Variants in CPNE8 observed in about 807,000 individuals in gnomAD.
CPNE8 encodes copine-8.
Under a neutral mutation model 81.5 loss-of-function variants are expected in CPNE8, and 45 were observed. The ratio of observed to expected loss-of-function variants is 0.55; its 90% CI spans 0.44 to 0.71. The LOEUF (loss-of-function observed/expected upper bound fraction) is 0.71, where lower values mean the gene tolerates loss of function less well. CPNE8 is among the 30% of genes least tolerant of loss of function. The pLI is 0.00. For missense variants in CPNE8, 594 were observed against 672.1 expected (o/e 0.88, Z 1.28); for synonymous variants, 252 against 226.3 (o/e 1.11, Z -1.02).
intron 6 of CPNE8, among the ~76,000 whole-genome samples, chr12:38,809,332 C>T (rs1942887649): frequency 6.6e-6 from 1 of 152,178 alleles, no homozygotes; most frequent in Non-Finnish European, 1.5e-5. Context: ...GTCTTCAAGT[C>T]AGCAACAAGT....
At chr12:38,756,354 T>C (rs1260090470) in intron 10 of CPNE8, among the ~76,000 whole-genome samples, 5 of 44,674 alleles carry the variant, frequency 1.1e-4, no homozygotes, top group Non-Finnish European at 3.0e-4. Context: ...ATTTTCCACT[T>C]TTTTTTTTTT....
intron 6 of CPNE8, among the ~76,000 whole-genome samples, chr12:38,828,351 G>T (rs1943233269): frequency 6.6e-6 from 1 of 152,014 alleles, no homozygotes; most frequent in African/African-American, 2.4e-5. Context: ...CACACAAAAA[G>T]AATTTAAAAT....
chr12:38,899,798 A>C (rs2137161640), intron 1 of CPNE8, among the ~76,000 whole-genome samples: 1 of 152,326 alleles, frequency 6.6e-6, no homozygotes, highest in South Asian at 2.1e-4. Flanking sequence ...CAAAAGGGTA[A>C]GTCAAACACT....
At position 38,725,969 on chromosome 12, in the gene CPNE8, G is replaced by A. The variant is rs530983650; in HGVS notation, c.799-1070C>T. On this transcript the variant is annotated intron_variant, in intron 11 of 19. Coordinates refer to ENST00000331366, the MANE Select transcript of CPNE8 (RefSeq NM_153634.3). Reference sequence around the variant, plus strand: ...AGATGGGGGTGGGGAGGATGGTTTCGGGATGATACTGTTCTACCTCAGATC... The same window carrying A: ...AGATGGGGGTGGGGAGGATGGTTTCAGGATGATACTGTTCTACCTCAGATC... Among the ~76,000 whole-genome samples the A allele has an allele frequency of 8.5e-5, 13 of 152,256 alleles. No individual in the cohort carries two copies. The South Asian group carries it at 1.2e-3, about 15-fold the overall frequency.
In CPNE8 at chr12:38,652,514, A is replaced by G. The variant is rs1416047377; in HGVS notation, c.*1368T>C. On this transcript the variant is annotated 3_prime_UTR_variant, in exon 20 of 20. Transcript: ENST00000331366. ...CACCCTAGGTCAACTTGGGACAAAG[A>G]AAACAATGTACAGTAGAAATAAACC... is the stretch of plus-strand genomic sequence containing the variant. 1 of 152,610 alleles carries G rather than the reference A, an allele frequency of 6.6e-6. No individual in the cohort carries two copies. Among genetic ancestry groups the G allele is most frequent in the Non-Finnish European group, 1.5e-5 (1 of 68,010 alleles). The allele number at this position is 152,610 out of a possible 1,614,324, so 9.5% of individuals were successfully genotyped here. A position where few individuals can be genotyped will look rare whatever the true frequency, so the allele number is the denominator to read the frequency against.
At chr12:38,814,230 G>C (rs922352508) in intron 6 of CPNE8, among the ~76,000 whole-genome samples, 1 of 148,956 alleles carries the variant, frequency 6.7e-6, no homozygotes. Flanking sequence ...AAACATGCTT[G>C]ACTAAGCCAG....
At chr12:38,704,838 A>ATATATATATATATATATATG (rs1940060243) in intron 13 of CPNE8, among the ~76,000 whole-genome samples, 1 of 32,578 alleles carries the variant, frequency 3.1e-5, no homozygotes, top group Admixed American at 3.9e-4. Context: ...ATATATATAT[A>ATATATATATATATATATATG]TATATATATA....
At chr12:38,727,729 C>T (rs1456524456) in intron 11 of CPNE8, among the ~76,000 whole-genome samples, 2 of 150,920 alleles carry the variant, frequency 1.3e-5, no homozygotes, top group Non-Finnish European at 3.0e-5. Flanking sequence ...AACTCAAAAA[C>T]CAAAAAGGAA....
intron 13 of CPNE8, among the ~76,000 whole-genome samples, chr12:38,714,422 CAAAT>C (rs1940338409): frequency 6.6e-6 from 1 of 151,488 alleles, no homozygotes; most frequent in African/African-American, 2.4e-5. Flanking sequence ...TAAGTAAAGA[CAAAT>C]AAAATAACTA....
At position 38,839,944 on chromosome 12, in the gene CPNE8, T is replaced by C. The variant is rs1454704875; in HGVS notation, c.302A>G (p.Asp101Gly). Residue 101 changes from aspartate (D) to glycine (G), a missense_variant, in exon 5 of 20, where the codon GAT becomes GGT. Asp to Gly is a moderately conservative substitution (Grantham distance 94). Coordinates refer to ENST00000331366, the MANE Select transcript of CPNE8 (RefSeq NM_153634.3). ...TTTGGATAAGTTGGGGCTCTTTGAA[T>C]CAACATCATACCTAAAAGATTGAAA... ...ENLRFDLYDV[D>G]SKSPNLSKHD... The C allele has an allele frequency of 6.3e-7, 1 of 1,582,900 alleles. No homozygotes were observed. The highest frequency in any genetic ancestry group is 8.6e-7 in the Non-Finnish European group (1 of 1,159,142).
intron 6 of CPNE8, among the ~76,000 whole-genome samples, chr12:38,811,881 T>C (rs1276302714): frequency 2.0e-5 from 3 of 152,140 alleles, no homozygotes; most frequent in Admixed American, 2.0e-4. Context: ...CTTAAAATAA[T>C]GTATGTAGTG....
At chr12:38,699,437 C>A (rs577313687) in intron 14 of CPNE8, among the ~76,000 whole-genome samples, 1 of 152,318 alleles carries the variant, frequency 6.6e-6, no homozygotes, top group South Asian at 2.1e-4. Context: ...TCAAGGACAG[C>A]ACACTGATAA....
intron 6 of CPNE8, among the ~76,000 whole-genome samples, chr12:38,798,561 G>A (rs1175035734): frequency 6.6e-6 from 1 of 152,014 alleles, no homozygotes; most frequent in Admixed American, 6.6e-5. Flanking sequence ...ACTAAACATG[G>A]AAAGAACAAC....
chr12:38,725,715 A>G (rs1940680490), intron 11 of CPNE8, among the ~76,000 whole-genome samples: 1 of 152,220 alleles, frequency 6.6e-6, no homozygotes, highest in Non-Finnish European at 1.5e-5. Context: ...AGAAAGAAGA[A>G]AAAGCAACTG....
intron 6 of CPNE8, among the ~76,000 whole-genome samples, chr12:38,806,300 A>G (rs2136973411): frequency 6.7e-6 from 1 of 150,292 alleles, no homozygotes; most frequent in East Asian, 2.2e-4. Context: ...GACACACCAA[A>G]AAAGATAATT....
At chr12:38,730,021 A>G (rs189795857) in intron 11 of CPNE8, among the ~76,000 whole-genome samples, 401 of 152,132 alleles carry the variant, frequency 2.6e-3, no homozygotes, top group African/African-American at 9.4e-3. Flanking sequence ...TAAAGGCTGA[A>G]GCTTAAGAAA....
At chr12:38,670,239 C>T (rs1393309800) in intron 19 of CPNE8, among the ~76,000 whole-genome samples, 1 of 152,104 alleles carries the variant, frequency 6.6e-6, no homozygotes, top group African/African-American at 2.4e-5. Flanking sequence ...GACCTTCTTC[C>T]TTTTCCTATC....
chr12:38,732,518 G>C (rs867023324), intron 10 of CPNE8, among the ~76,000 whole-genome samples: 20 of 151,880 alleles, frequency 1.3e-4, no homozygotes, highest in African/African-American at 2.7e-4. Context: ...CAATCTCTTT[G>C]GTCTCAGGAC....
chr12:38,748,497 A>AC (rs1555152497), intron 10 of CPNE8, among the ~76,000 whole-genome samples: 2 of 148,572 alleles, frequency 1.3e-5, no homozygotes, highest in East Asian at 4.0e-4. Flanking sequence ...TCGTAATAGT[A>AC]TTTTTTTTTT....
Sources: gnomAD v4.1 joint callset for allele counts (sites outside exome capture counted in the v4.1 genomes callset) on GRCh38, gnomAD v4.1.1 for gene constraint, MANE v1.5 for transcripts, NCBI Gene and HGNC (gene_info 2026-07-23, HGNC 2026-07-21) for gene names.